Variants in VAPB observed in about 807,000 individuals in gnomAD.
VAPB encodes VAMP associated protein B and C.
Under a neutral mutation model 25.6 loss-of-function variants are expected in VAPB, and 7 were observed. That is an observed-to-expected ratio of 0.27 (90% CI 0.16 to 0.51). The LOEUF is 0.51. Among genes scored for constraint, VAPB ranks in the 20% least tolerant of loss-of-function variants. The pLI, the probability that VAPB is intolerant of heterozygous loss-of-function variation, is 0.97. For synonymous variants in VAPB, 112 were observed against 109.2 expected (o/e 1.03, Z -0.16); for missense variants, 266 against 301.3 (o/e 0.88, Z 0.87).
rs1011498448 is a variant in VAPB, at chr20:58,448,248, TGGAACACCA to T, written c.*4014_*4022del. ...CCCATAAGGCCAACGACCACTCTTC[TGGAACACCA>T]AGAGCAGCTCTGAGATCATGCTGGC... On this transcript the variant is annotated 3_prime_UTR_variant, in exon 6 of 6. Coordinates refer to ENST00000475243, the MANE Select transcript of VAPB (RefSeq NM_004738.5). The T allele has an allele frequency of 2.2e-6, 1 of 453,978 alleles. No homozygotes were observed. Among genetic ancestry groups the T allele is most frequent in the African/African-American group, 2.0e-5 (1 of 49,988 alleles). The allele number at this position is 453,978 out of a possible 1,614,324, so 28.1% of individuals were successfully genotyped here.
chr20:58,437,669 A>G (rs989207571), intron 3 of VAPB, among the ~76,000 whole-genome samples: 2 of 152,172 alleles, frequency 1.3e-5, no homozygotes, highest in Admixed American at 1.3e-4. Context: ...ACACGTGTAC[A>G]GGTGTGTGTG....
At chr20:58,426,644 T>G (rs1289047433) in intron 2 of VAPB, among the ~76,000 whole-genome samples, 1 of 152,204 alleles carries the variant, frequency 6.6e-6, no homozygotes, top group Non-Finnish European at 1.5e-5. Context: ...GATTGCCTTT[T>G]ACTTAGGAAA....
intron 1 of VAPB, among the ~76,000 whole-genome samples, chr20:58,391,686 C>G (rs753919824): frequency 3.3e-5 from 5 of 152,288 alleles, no homozygotes; most frequent in Admixed American, 6.5e-5. Flanking sequence ...GCATGTGCCA[C>G]TACGCCTGGC....
intron 2 of VAPB, among the ~76,000 whole-genome samples, chr20:58,429,162 A>G (rs1007502507): frequency 6.6e-6 from 1 of 151,444 alleles, no homozygotes; most frequent in Non-Finnish European, 1.5e-5. Flanking sequence ...TTTCCAAAGC[A>G]GAAAACTTTT....
At chr20:58,389,641 G>A (rs1367974620) in intron 1 of VAPB, 124 bp downstream of exon 1, 4 of 1,050,612 alleles carry the variant, frequency 3.8e-6, no homozygotes, top group Admixed American at 8.5e-5. Context: ...CGCGGGGGGC[G>A]GCGAGGCCGG....
At position 58,449,717 on chromosome 20, in the gene VAPB, G is replaced by A. The variant is rs1989389706; in HGVS notation, c.*5482G>A. The A allele has an allele frequency of 2.2e-6, 1 of 453,910 alleles. No homozygotes were observed. The highest frequency in any genetic ancestry group is 4.4e-6 in the Non-Finnish European group (1 of 226,786). 28.1% of individuals were successfully genotyped at this position (453,910 alleles called of 1,614,324 possible). Reference sequence around the variant, plus strand: ...AAACATTGATCCTGTAACAATGCCCGATTACAATTGCTTTATTACACCCCA... The same window carrying A: ...AAACATTGATCCTGTAACAATGCCCAATTACAATTGCTTTATTACACCCCA... On this transcript the variant is annotated 3_prime_UTR_variant, in exon 6 of 6. Coordinates refer to ENST00000475243, the MANE Select transcript of VAPB (RefSeq NM_004738.5).
chr20:58,433,450 G>T (rs183333669), intron 2 of VAPB, among the ~76,000 whole-genome samples: 41 of 152,268 alleles, frequency 2.7e-4, no homozygotes, highest in African/African-American at 9.6e-4. Context: ...GCTGATGAGG[G>T]CCCAGCAGAA....
intron 2 of VAPB, among the ~76,000 whole-genome samples, chr20:58,425,822 G>A (rs1041578946): frequency 6.6e-6 from 1 of 152,124 alleles, no homozygotes; most frequent in Non-Finnish European, 1.5e-5. Context: ...GCAAACATTC[G>A]TGGTGACTCT....
At chr20:58,412,556 G>T (rs942071834) in intron 1 of VAPB, among the ~76,000 whole-genome samples, 1 of 119,962 alleles carries the variant, frequency 8.3e-6, no homozygotes, top group Admixed American at 9.8e-5. Flanking sequence ...CAGCCTGGGT[G>T]ACAGAGTGAG....
chr20:58,410,113 A>C (rs938729426), intron 1 of VAPB, among the ~76,000 whole-genome samples: 5 of 152,170 alleles, frequency 3.3e-5, no homozygotes, highest in Admixed American at 2.6e-4. Context: ...AAGTATGCAC[A>C]GAGTTCTCTT....
At chr20:58,430,583 TTTTTG>T (rs1485237289) in intron 2 of VAPB, among the ~76,000 whole-genome samples, 8 of 151,158 alleles carry the variant, frequency 5.3e-5, no homozygotes, top group Non-Finnish European at 2.9e-5. Flanking sequence ...TTTCTTTTTT[TTTTTG>T]TTTTGAGACA....
At chr20:58,434,425 T>G (rs1440078179) in intron 2 of VAPB, among the ~76,000 whole-genome samples, 177 bp from the exon 3 acceptor site, 1 of 152,158 alleles carries the variant, frequency 6.6e-6, no homozygotes, top group Non-Finnish European at 1.5e-5. Context: ...GGCTCTTAGG[T>G]TGGTGACCTG....
intron 2 of VAPB, among the ~76,000 whole-genome samples, chr20:58,422,601 G>T (rs1988691350): frequency 6.7e-6 from 1 of 149,334 alleles, no homozygotes; most frequent in Admixed American, 6.7e-5. Flanking sequence ...GTTAGTGGTT[G>T]TGGATTTTTT....
At chr20:58,395,340 CG>C (rs1987928950) in intron 1 of VAPB, among the ~76,000 whole-genome samples, 1 of 151,978 alleles carries the variant, frequency 6.6e-6, no homozygotes, top group South Asian at 2.1e-4. Flanking sequence ...TTAATAGAGA[CG>C]GGGTTTCACC....
chr20:58,426,740 G>T (rs1011577562), intron 2 of VAPB, among the ~76,000 whole-genome samples: 1 of 152,230 alleles, frequency 6.6e-6, no homozygotes, highest in Non-Finnish European at 1.5e-5. Context: ...TGTGGAGTTT[G>T]TAGGGGCTAG....
In VAPB at chr20:58,445,167, ATAGGGAGGGAAAT is replaced by A. The variant is rs752439035; in HGVS notation, c.*934_*946del. 4 of 454,218 alleles carry A rather than the reference ATAGGGAGGGAAAT, an allele frequency of 8.8e-6. No homozygotes were observed. Among genetic ancestry groups the A allele is most frequent in the South Asian group, 6.2e-5 (4 of 64,476 alleles). The allele number at this position is 454,218 out of a possible 1,614,324, so 28.1% of individuals were successfully genotyped here. Reference sequence around the variant, plus strand: ...TCTGGGTCAGTAAATAACAACTGTCATAGGGAGGGAAATTCTCAGTAGTGACAGTCAACTCTAG... The same window carrying A: ...TCTGGGTCAGTAAATAACAACTGTCATCTCAGTAGTGACAGTCAACTCTAG... On this transcript the variant is annotated 3_prime_UTR_variant, in exon 6 of 6. Coordinates refer to ENST00000475243, the MANE Select transcript of VAPB (RefSeq NM_004738.5).
chr20:58,417,325 A>C (rs757504636), intron 1 of VAPB, among the ~76,000 whole-genome samples: 3 of 152,224 alleles, frequency 2.0e-5, no homozygotes, highest in Non-Finnish European at 2.9e-5. Flanking sequence ...GTGTGTATGT[A>C]TTGTTTGTGT....
chr20:58,425,864 C>G (rs1432891298), intron 2 of VAPB, among the ~76,000 whole-genome samples: 1 of 152,082 alleles, frequency 6.6e-6, no homozygotes, highest in Non-Finnish European at 1.5e-5. Flanking sequence ...ACTTTTCCCT[C>G]CAGAATTCTT....
chr20:58,424,278 C>G (rs1988737195), intron 2 of VAPB, among the ~76,000 whole-genome samples: 1 of 151,984 alleles, frequency 6.6e-6, no homozygotes, highest in South Asian at 2.1e-4. Flanking sequence ...TTAACCCTGT[C>G]CTGGTTGCCA....
Sources: gnomAD v4.1 joint callset for allele counts (sites outside exome capture counted in the v4.1 genomes callset) on GRCh38, gnomAD v4.1.1 for gene constraint, MANE v1.5 for transcripts, NCBI Gene and HGNC (gene_info 2026-07-23, HGNC 2026-07-21) for gene names.